Variants in SAE1 observed in about 807,000 individuals in gnomAD.
SAE1 encodes SUMO-activating enzyme subunit 1.
Under a neutral mutation model 40.6 loss-of-function variants are expected in SAE1, and 11 were observed. The ratio of observed to expected loss-of-function variants is 0.27; its 90% CI spans 0.17 to 0.45. The LOEUF is 0.45. Among genes scored for constraint, SAE1 ranks in the 20% least tolerant of loss-of-function variants. SAE1 has a pLI of 1.00. For missense variants in SAE1, 373 were observed against 427.3 expected (o/e 0.87, Z 1.12); for synonymous variants, 155 against 154.3 (o/e 1.00, Z -0.03).
At chr19:47,167,487 G>A (rs531681085) in intron 5 of SAE1, among the ~76,000 whole-genome samples, 3 of 152,052 alleles carry the variant, frequency 2.0e-5, no homozygotes, top group East Asian at 1.9e-4. Context: ...TGATCTGCCC[G>A]CCTTGGCCTC....
intron 1 of SAE1, among the ~76,000 whole-genome samples, chr19:47,139,981 A>T (rs1258453062): frequency 7.4e-6 from 1 of 134,568 alleles, no homozygotes; most frequent in African/African-American, 2.8e-5. Context: ...TCTTTCGTCC[A>T]GGCTGAAGTG....
intron 6 of SAE1, among the ~76,000 whole-genome samples, chr19:47,192,008 C>T (rs1380779097): frequency 2.7e-5 from 4 of 149,802 alleles, no homozygotes; most frequent in African/African-American, 4.9e-5. Context: ...GAGCCGAGAT[C>T]GCGCCACCGC....
intron 5 of SAE1, among the ~76,000 whole-genome samples, chr19:47,158,485 A>G (rs1201436471): frequency 1.3e-5 from 2 of 152,184 alleles, no homozygotes; most frequent in Non-Finnish European, 2.9e-5. Context: ...GGAGACAGCA[A>G]TGAGGTGGTG....
chr19:47,194,376 G>A lies in SAE1; in HGVS notation c.734-2857G>A, dbSNP rs1044946044. Among the ~76,000 whole-genome samples the A allele has an allele frequency of 1.1e-4, 16 of 152,294 alleles. 1 individual carries two copies. In the South Asian group the frequency reaches 2.7e-3, roughly 26 times the overall value. ...TTTTTAAAGAGCCTCACAGCAACTT[G>A]AATTTACCTTAATTTTTATGTAGGA... is the stretch of plus-strand genomic sequence containing the variant. On this transcript the variant is annotated intron_variant, in intron 6 of 8. Coordinates refer to ENST00000270225, the MANE Select transcript of SAE1 (RefSeq NM_005500.3).
chr19:47,147,266 G>A (rs567463118), intron 2 of SAE1, among the ~76,000 whole-genome samples: 2 of 138,500 alleles, frequency 1.4e-5, no homozygotes, highest in Admixed American at 1.6e-4. Flanking sequence ...AATGCAGTGG[G>A]CATGATCATG....
intron 7 of SAE1, among the ~76,000 whole-genome samples, chr19:47,199,390 C>CAAA (rs35275499): frequency 8.2e-4 from 46 of 56,210 alleles, no homozygotes; most frequent in Middle Eastern, 9.4e-3. Context: ...GACTCCTTCT[C>CAAA]AAAAAAAAAA....
chr19:47,153,269 T>G (rs1482413789), intron 4 of SAE1, among the ~76,000 whole-genome samples: 2 of 151,988 alleles, frequency 1.3e-5, no homozygotes, highest in African/African-American at 2.4e-5. Flanking sequence ...AGTTGAGAGA[T>G]AGTAAAATGA....
intron 5 of SAE1, among the ~76,000 whole-genome samples, chr19:47,157,055 TAA>T (rs912906436): frequency 6.6e-6 from 1 of 152,178 alleles, no homozygotes; most frequent in African/African-American, 2.4e-5. Context: ...GAGGGGATTC[TAA>T]AGAGTGCAGA....
At chr19:47,157,168 A>C (rs2058329464) in intron 5 of SAE1, among the ~76,000 whole-genome samples, 1 of 152,102 alleles carries the variant, frequency 6.6e-6, no homozygotes, top group Non-Finnish European at 1.5e-5. Context: ...TTTGTGTTGG[A>C]GTAGTTTGGT....
Position 47,147,254 on chromosome 19 carries a change from G to A in SAE1, c.211-2948G>A, listed in dbSNP as rs554066523. Among the ~76,000 whole-genome samples the A allele has an allele frequency of 5.1e-5, 7 of 137,218 alleles. No homozygotes were observed. In the East Asian group the frequency reaches 6.4e-4, roughly 13 times the overall value. 90.0% of individuals were successfully genotyped at this position (137,218 alleles called of 152,430 possible). On this transcript the variant is annotated intron_variant, in intron 2 of 8. Transcript: ENST00000270225. ...AGGCAGTCTCACTGTTACCCTTGCC[G>A]GAATGCAGTGGGCATGATCATGGCT... is the stretch of plus-strand genomic sequence containing the variant.
At chr19:47,192,325 A>G (rs1600207060) in intron 6 of SAE1, among the ~76,000 whole-genome samples, 1 of 151,930 alleles carries the variant, frequency 6.6e-6, no homozygotes, top group South Asian at 2.1e-4. Context: ...ATACCGGCTC[A>G]CTGCAACCTC....
rs11083864 is a variant in SAE1 at position 47,197,354 on chromosome 19, C to T, written c.855C>T (p.Asp285=). 0.021 allele frequency: 34,013 copies of T among 1,613,076 alleles called. 407 individuals carry two copies. The highest frequency in any genetic ancestry group is 0.025 in the Non-Finnish European group (28,997 of 1,179,506). Residue 285 remains aspartate, a synonymous_variant, in exon 7 of 9, where the codon GAC becomes GAT. Transcript: ENST00000270225. ...DVLDSLGISP[D]LLPEDFVRYC... ...TTGACTCACTGGGTATTAGTCCTGACCTGCTTCCTGAGGACTTTGTCAGGT... is the reference window on the plus strand; with the variant it reads ...TTGACTCACTGGGTATTAGTCCTGATCTGCTTCCTGAGGACTTTGTCAGGT...
In SAE1 at chr19:47,153,045, GTGT is replaced by G. The variant is rs2058297184; in HGVS notation, c.527+8_527+10del. The G allele has an allele frequency of 6.2e-7, 1 of 1,604,928 alleles. No homozygotes were observed. Among genetic ancestry groups the G allele is most frequent in the Non-Finnish European group, 8.5e-7 (1 of 1,175,352 alleles). On this transcript the variant is annotated splice_donor_region_variant and intron_variant, in intron 4 of 8. Coordinates refer to ENST00000270225, the MANE Select transcript of SAE1 (RefSeq NM_005500.3). ...AGGAGAGCATGAGTTTGTAGAGTAA[GTGT>G]TGGGAGAGGAGGGGAGAACATAACA...
intron 7 of SAE1, among the ~76,000 whole-genome samples, chr19:47,199,119 G>T (rs2058635417): frequency 1.3e-5 from 2 of 151,818 alleles, no homozygotes; most frequent in Non-Finnish European, 1.5e-5. Context: ...GGGCGCGGTG[G>T]CTCACGCCTG....
intron 1 of SAE1, among the ~76,000 whole-genome samples, chr19:47,134,216 G>C (rs2058165050): frequency 6.6e-6 from 1 of 152,060 alleles, no homozygotes; most frequent in Non-Finnish European, 1.5e-5. Context: ...TGAGTTCAGA[G>C]GTAAAATTTG....
chr19:47,169,254 T>A (rs2058415533), intron 5 of SAE1, among the ~76,000 whole-genome samples: 1 of 152,234 alleles, frequency 6.6e-6, no homozygotes, highest in East Asian at 1.9e-4. Flanking sequence ...TAGTTTTGTT[T>A]TGGTTTTTTT....
intron 5 of SAE1, among the ~76,000 whole-genome samples, chr19:47,167,711 GA>G (rs2058403055): frequency 1.3e-5 from 2 of 152,180 alleles, no homozygotes; most frequent in South Asian, 4.1e-4. Flanking sequence ...GAGGGAGGAA[GA>G]AAGACACCTC....
intron 7 of SAE1, among the ~76,000 whole-genome samples, chr19:47,199,324 G>T (rs1159243348): frequency 6.8e-6 from 1 of 148,008 alleles, no homozygotes; most frequent in Non-Finnish European, 1.5e-5. Flanking sequence ...GGCAGAGGTT[G>T]CAGTGAGCTG....
At chr19:47,143,397 G>C in intron 1 of SAE1, 97 bp from the exon 2 acceptor site, 1 of 941,936 alleles carries the variant, frequency 1.1e-6, no homozygotes, top group South Asian at 1.4e-5. Context: ...GAGCCACCGT[G>C]CCTGGCAAAC....
Sources: gnomAD v4.1 joint callset for allele counts (sites outside exome capture counted in the v4.1 genomes callset) on GRCh38, gnomAD v4.1.1 for gene constraint, MANE v1.5 for transcripts, NCBI Gene and HGNC (gene_info 2026-07-23, HGNC 2026-07-21) for gene names.